The following AXDND1 variants were observed in gnomAD, a reference collection of about 807,000 sequenced individuals.
The protein encoded by AXDND1 is axonemal dynein light chain domain containing 1, also known as axonemal dynein light chain domain-containing protein 1.
A neutral mutation model predicts 137.5 loss-of-function variants in AXDND1; 110 were observed. The ratio of observed to expected loss-of-function variants is 0.80; its 90% CI spans 0.69 to 0.94. The LOEUF (loss-of-function observed/expected upper bound fraction) is 0.94. Among genes scored for constraint, AXDND1 ranks in the 40% least tolerant of loss-of-function variants. The pLI, the probability that AXDND1 is intolerant of heterozygous loss-of-function variation, is 0.00. For missense variants in AXDND1, 1,191 were observed against 1,169.8 expected, an observed-to-expected ratio of 1.02 and a Z score of -0.26; for synonymous variants, 414 against 399.7, an observed-to-expected ratio of 1.04 and a Z score of -0.43.
intron 12 of AXDND1, among the ~76,000 whole-genome samples, chr1:179,424,531 G>C (rs539490261): frequency 6.7e-6 from 1 of 150,338 alleles, no homozygotes; most frequent in South Asian, 2.1e-4. Context: ...GGGTTCAAGC[G>C]ATTCTCCTGC....
intron 9 of AXDND1, among the ~76,000 whole-genome samples, chr1:179,388,769 G>A (rs945143452): frequency 2.1e-5 from 2 of 96,608 alleles, no homozygotes; most frequent in African/African-American, 8.3e-5. Flanking sequence ...TTTTTTTTTT[G>A]TATTTTTAGT....
chr1:179,393,262 A>C (rs1439836222), intron 9 of AXDND1, among the ~76,000 whole-genome samples: 1 of 152,268 alleles, frequency 6.6e-6, no homozygotes, highest in East Asian at 1.9e-4. Context: ...GCTTTGTTGC[A>C]GATCAGTTGG....
intron 16 of AXDND1, among the ~76,000 whole-genome samples, chr1:179,459,053 T>G (rs1661830269): frequency 6.6e-6 from 1 of 152,092 alleles, no homozygotes. Context: ...GAATCAGAAT[T>G]AAATAAATAA....
chr1:179,439,737 C>G (rs1416396267), intron 15 of AXDND1, among the ~76,000 whole-genome samples: 1 of 152,048 alleles, frequency 6.6e-6, no homozygotes, highest in African/African-American at 2.4e-5. Context: ...TCATCGTGAC[C>G]CTTGTCAGCC....
In AXDND1 at chr1:179,366,536, C is replaced by T. The variant is rs1330089456; in HGVS notation, c.27C>T (p.Thr9=). The stretch of plus-strand genomic sequence containing the variant: ...TGTCTCTCCCGAAAACGCCCTCCAC[C>T]CCGCTAAACTCTACATCAACATCTG... MSLPKTPS[T]PLNSTSTSES... The change falls in exon 2 of 26, where the codon ACC becomes ACT. Residue 9 remains threonine (T), a synonymous_variant. Coordinates refer to ENST00000367618, the MANE Select transcript of AXDND1 (RefSeq NM_144696.6). 1 of 1,613,564 alleles carries T rather than the reference C, an allele frequency of 6.2e-7. No individual in the cohort carries two copies. The highest frequency in any genetic ancestry group is 1.3e-5 in the African/African-American group (1 of 74,854).
chr1:179,466,590 T>A (rs1663232845), intron 16 of AXDND1, among the ~76,000 whole-genome samples: 1 of 152,212 alleles, frequency 6.6e-6, no homozygotes, highest in Non-Finnish European at 1.5e-5. Context: ...AAATTTTCCA[T>A]CTTGTCATTT....
chr1:179,482,972 A>G (rs544081532), intron 17 of AXDND1, among the ~76,000 whole-genome samples, 156 bp from the exon 18 acceptor site: 33 of 150,690 alleles, frequency 2.2e-4, no homozygotes, highest in African/African-American at 8.1e-4. Context: ...ATACTAGATA[A>G]TTCAGGGCTT....
intron 17 of AXDND1, among the ~76,000 whole-genome samples, chr1:179,480,510 G>A (rs1257940701): frequency 6.6e-6 from 1 of 152,172 alleles, no homozygotes; most frequent in Non-Finnish European, 1.5e-5. Context: ...TGAGATTTGG[G>A]TGGGGATATA....
chr1:179,468,391 ATAG>A (rs2125479223), intron 16 of AXDND1, 49 bp from the exon 17 acceptor site: 1 of 1,274,056 alleles, frequency 7.8e-7, no homozygotes, highest in Non-Finnish European at 1.1e-6. Context: ...TGGTATTAAA[ATAG>A]TAGTCTTACA....
intron 20 of AXDND1, among the ~76,000 whole-genome samples, chr1:179,499,340 A>G (rs987226209): frequency 1.6e-5 from 2 of 125,132 alleles, no homozygotes; most frequent in African/African-American, 5.9e-5. Flanking sequence ...ATATATTGTG[A>G]TGTTTCAAAA....
intron 16 of AXDND1, among the ~76,000 whole-genome samples, chr1:179,447,044 C>T (rs1280730929): frequency 6.6e-6 from 1 of 152,048 alleles, no homozygotes; most frequent in Non-Finnish European, 1.5e-5. Flanking sequence ...GTATTTATCC[C>T]TTCTATGTGT....
chr1:179,409,797 G>C (rs1430840304), intron 11 of AXDND1, among the ~76,000 whole-genome samples: 6 of 152,036 alleles, frequency 3.9e-5, no homozygotes, highest in African/African-American at 7.2e-5. Context: ...TGGGGGACAA[G>C]AGCGAAACTC....
chr1:179,434,030 G>C (rs913683465), intron 15 of AXDND1, among the ~76,000 whole-genome samples: 1 of 152,134 alleles, frequency 6.6e-6, no homozygotes, highest in Admixed American at 6.6e-5. Flanking sequence ...ATGAATCTGG[G>C]TGCTTCTGTG....
At chr1:179,518,656 TG>T (rs1669780062) in intron 21 of AXDND1, among the ~76,000 whole-genome samples, 1 of 152,212 alleles carries the variant, frequency 6.6e-6, no homozygotes, top group African/African-American at 2.4e-5. Flanking sequence ...TTTCTCTTCC[TG>T]TGTTAGTTTG....
At chr1:179,538,882 T>TA (rs879719694) in intron 25 of AXDND1, among the ~76,000 whole-genome samples, 6,992 of 152,290 alleles carry the variant, frequency 0.046, 239 homozygotes, top group Non-Finnish European at 0.07. Flanking sequence ...GCTCCTGTAT[T>TA]GGGTGCATAT....
At chr1:179,419,314 C>G (rs1275463902) in intron 12 of AXDND1, among the ~76,000 whole-genome samples, 1 of 151,988 alleles carries the variant, frequency 6.6e-6, no homozygotes, top group Non-Finnish European at 1.5e-5. Flanking sequence ...TGCACTCCAG[C>G]CTGGGCACCA....
intron 2 of AXDND1, among the ~76,000 whole-genome samples, chr1:179,367,564 C>T (rs1423739553): frequency 1.3e-5 from 2 of 151,590 alleles, no homozygotes; most frequent in East Asian, 1.9e-4. Context: ...TGGTGAAACC[C>T]GGTCTCTACT....
intron 15 of AXDND1, among the ~76,000 whole-genome samples, chr1:179,441,622 G>A (rs146109516): frequency 0.011 from 1,676 of 152,306 alleles, 23 homozygotes; most frequent in African/African-American, 0.036. Flanking sequence ...CTTGCACATA[G>A]GGTTCCTGTG....
chr1:179,433,325 C>G (rs1355943698), intron 15 of AXDND1, among the ~76,000 whole-genome samples: 1 of 152,082 alleles, frequency 6.6e-6, no homozygotes, highest in African/African-American at 2.4e-5. Flanking sequence ...CTCCTGGATT[C>G]ATTGATTCTT....
Sources: allele counts gnomAD v4.1 joint callset (sites outside exome capture counted in the v4.1 genomes callset), GRCh38; gene constraint gnomAD v4.1.1; transcripts MANE v1.5; gene names NCBI Gene and HGNC (gene_info 2026-07-23, HGNC 2026-07-21).